ZFAND3: variants seen among roughly 807,000 people sequenced by gnomAD.
The protein encoded by ZFAND3 is zinc finger AN1-type containing 3, also known as AN1-type zinc finger protein 3.
In ZFAND3, 10 loss-of-function variants were observed where a neutral mutation model predicts 29.6. The observed-to-expected ratio is 0.34, with a 90% CI of 0.21 to 0.57. ZFAND3 has a LOEUF of 0.57. Ranked by LOEUF, ZFAND3 falls within the 20% of genes least tolerant of loss-of-function variation. ZFAND3 has a pLI of 0.86. For missense variants in ZFAND3, 230 were observed against 304.5 expected (o/e 0.76, Z 1.82); for synonymous variants, 128 against 112.6 (o/e 1.14, Z -0.87).
At position 37,929,631 on chromosome 6, in the gene ZFAND3, C is replaced by A. The variant is rs568293810; in HGVS notation, c.72-328C>A. ...ATGTGGTTTAAATTGACTCCCATACCATCTTCTGGGCATTTTATAATGTTT... is the reference window on the plus strand; with the variant it reads ...ATGTGGTTTAAATTGACTCCCATACAATCTTCTGGGCATTTTATAATGTTT... On this transcript the variant is annotated intron_variant, in intron 1 of 5. Coordinates refer to ENST00000287218, the MANE Select transcript of ZFAND3 (RefSeq NM_021943.3). Among the ~76,000 whole-genome samples, 10 of 152,190 alleles carry A rather than the reference C, an allele frequency of 6.6e-5. 1 individual carries two copies. The highest frequency in any genetic ancestry group is 4.1e-4 in the South Asian group (2 of 4,824).
chr6:38,041,899 C>A (rs1763796354), intron 2 of ZFAND3, among the ~76,000 whole-genome samples: 1 of 146,500 alleles, frequency 6.8e-6, no homozygotes, highest in Non-Finnish European at 1.5e-5. Context: ...TACAGTGACA[C>A]AATCTCGCCT....
chr6:38,018,615 C>T (rs888025263), intron 2 of ZFAND3, among the ~76,000 whole-genome samples: 3 of 152,142 alleles, frequency 2.0e-5, no homozygotes, highest in East Asian at 1.9e-4. Context: ...CATTTCGTAT[C>T]GGTACCAATG....
intron 2 of ZFAND3, among the ~76,000 whole-genome samples, chr6:38,014,365 C>T (rs1384472407): frequency 2.6e-5 from 4 of 151,328 alleles, no homozygotes; most frequent in East Asian, 3.9e-4. Context: ...TCACTCTTGT[C>T]GCCTAGGCTG....
intron 2 of ZFAND3, among the ~76,000 whole-genome samples, chr6:37,972,875 A>G (rs1029994550): frequency 2.0e-5 from 3 of 152,188 alleles, no homozygotes; most frequent in Admixed American, 6.5e-5. Flanking sequence ...AGTCAATAAT[A>G]TATGGCTTTA....
chr6:37,849,704 C>T (rs144370093), intron 1 of ZFAND3, among the ~76,000 whole-genome samples: 24 of 152,306 alleles, frequency 1.6e-4, no homozygotes, highest in African/African-American at 5.8e-4. Context: ...GCCACAGCGC[C>T]TGGCCTTGAT....
rs555406472 is a variant in ZFAND3, at chr6:37,957,419, TGGTGATAACCTGCTTTACA to T, written c.112+27422_112+27440del. 3.3e-5 allele frequency among the ~76,000 whole-genome samples: 5 copies of T among 152,164 alleles called. No individual in the cohort carries two copies. In the South Asian group the frequency reaches 1.0e-3, roughly 32 times the overall value. On this transcript the variant is annotated intron_variant, in intron 2 of 5. Coordinates refer to ENST00000287218, the MANE Select transcript of ZFAND3 (RefSeq NM_021943.3). Reference sequence around the variant, plus strand: ...AGTTTGCACTTGTTCTTGGTGGGGATGGTGATAACCTGCTTTACAGTAGGTTTGTAAGGATCAAAATAAA... The same window carrying T: ...AGTTTGCACTTGTTCTTGGTGGGGATGTAGGTTTGTAAGGATCAAAATAAA...
intron 5 of ZFAND3, among the ~76,000 whole-genome samples, chr6:38,125,756 G>T (rs1479409682): frequency 6.6e-6 from 1 of 152,098 alleles, no homozygotes; most frequent in Non-Finnish European, 1.5e-5. Context: ...TGAATTATTA[G>T]TGTCTTTTAT....
At chr6:37,915,833 G>C (rs769664312) in intron 1 of ZFAND3, 1 of 152,184 alleles carries the variant, frequency 6.6e-6, no homozygotes, top group Non-Finnish European at 1.5e-5. Flanking sequence ...ACAGTAGCAC[G>C]ATCTCAGCTC....
intron 2 of ZFAND3, among the ~76,000 whole-genome samples, chr6:37,986,724 G>A (rs1344966041): frequency 2.6e-5 from 4 of 152,040 alleles, no homozygotes; most frequent in Non-Finnish European, 5.9e-5. Context: ...TTATAGCAAA[G>A]GATGAGTCTC....
chr6:38,152,323 G>T lies in ZFAND3; in HGVS notation c.618G>T (p.Met206Ile). 6.2e-7 allele frequency: 1 copy of T among 1,610,752 alleles called. No individual in the cohort carries two copies. The highest frequency in any genetic ancestry group is 8.5e-7 in the Non-Finnish European group (1 of 1,178,704). ...HMGRGREEAI[M>I]KMVKLDRKVG... Reference sequence around the variant, plus strand: ...GCCGTGGCCGGGAGGAAGCCATCATGAAAATGGTGAAGCTGGACCGGAAAG... The same window carrying T: ...GCCGTGGCCGGGAGGAAGCCATCATTAAAATGGTGAAGCTGGACCGGAAAG... Residue 206 changes from methionine (M) to isoleucine (I), a missense_variant, in exon 6 of 6, where the codon ATG (methionine) becomes ATT (isoleucine). Around this residue, in one of 2 missense-constraint regions of ZFAND3, gnomAD observed 50 missense variants for 102.0 expected, o/e 0.49. Transcript: ENST00000287218.
intron 2 of ZFAND3, among the ~76,000 whole-genome samples, chr6:37,945,805 C>T (rs1761890632): frequency 6.6e-6 from 1 of 152,168 alleles, no homozygotes; most frequent in African/African-American, 2.4e-5. Flanking sequence ...AAATACCTGA[C>T]TTTGTTTTAG....
At chr6:37,837,332 G>A (rs1474667795) in intron 1 of ZFAND3, among the ~76,000 whole-genome samples, 1 of 152,090 alleles carries the variant, frequency 6.6e-6, no homozygotes, top group Non-Finnish European at 1.5e-5. Context: ...AGGTCAAGTA[G>A]TTTTTTTCAG....
chr6:37,892,294 G>C (rs6458032), intron 1 of ZFAND3, among the ~76,000 whole-genome samples: 33,183 of 152,126 alleles, frequency 0.22, 4,521 homozygotes, highest in African/African-American at 0.38. Context: ...CATAGCATGT[G>C]AAAATGTATA....
intron 2 of ZFAND3, among the ~76,000 whole-genome samples, chr6:37,949,430 C>G (rs1007368842): frequency 2.2e-4 from 34 of 152,076 alleles, no homozygotes; most frequent in Admixed American, 1.9e-3. Context: ...GGGGGTCTCT[C>G]CCCACCACCA....
intron 2 of ZFAND3, among the ~76,000 whole-genome samples, chr6:37,939,895 C>T (rs1761782358): frequency 6.6e-6 from 1 of 152,026 alleles, no homozygotes; most frequent in Non-Finnish European, 1.5e-5. Context: ...TAAAAATTAG[C>T]TGGGAGTGGT....
chr6:38,137,678 A>G (rs1220844339), intron 5 of ZFAND3, among the ~76,000 whole-genome samples: 1 of 152,154 alleles, frequency 6.6e-6, no homozygotes, highest in Non-Finnish European at 1.5e-5. Flanking sequence ...GATAAGGGAA[A>G]GGGGGAGCTG....
chr6:38,050,771 C>T (rs1357466410), intron 2 of ZFAND3, among the ~76,000 whole-genome samples: 2 of 152,024 alleles, frequency 1.3e-5, no homozygotes, highest in African/African-American at 4.8e-5. Context: ...ACCACTGTGC[C>T]CAGCTGACAT....
chr6:37,905,851 A>G (rs1351232739), intron 1 of ZFAND3, among the ~76,000 whole-genome samples: 3 of 152,128 alleles, frequency 2.0e-5, no homozygotes, highest in Non-Finnish European at 4.4e-5. Flanking sequence ...ATTCAAAAAA[A>G]GTTGCTAGCA....
chr6:38,061,968 C>G (rs1177678101), intron 3 of ZFAND3, among the ~76,000 whole-genome samples, 193 bp downstream of exon 3: 1 of 152,212 alleles, frequency 6.6e-6, no homozygotes, highest in African/African-American at 2.4e-5. Context: ...TTTATACCGT[C>G]AAAGTACATG....
Sources: gnomAD v4.1 joint callset for allele counts (sites outside exome capture counted in the v4.1 genomes callset) on GRCh38, gnomAD v4.1.1 for gene constraint, gnomAD v4.1.1 regional missense constraint, MANE v1.5 for transcripts, NCBI Gene and HGNC (gene_info 2026-07-23, HGNC 2026-07-21) for gene names.